AATK: variants seen among roughly 807,000 people sequenced by gnomAD.
AATK encodes the protein lemur tail kinase 1.
A neutral mutation model predicts 114.3 loss-of-function variants in AATK; 91 were observed. That is an observed-to-expected ratio of 0.80 (90% CI 0.67 to 0.95). The LOEUF (loss-of-function observed/expected upper bound fraction) is 0.95. Ranked by LOEUF, AATK falls within the 40% of genes least tolerant of loss-of-function variation. The pLI is 0.00. For missense variants in AATK, 2,176 were observed against 1,965.2 expected (o/e 1.11, Z -2.03); for synonymous variants, 1,075 against 916.5 (o/e 1.17, Z -3.12).
chr17:81,151,268 C>A (rs879449662), intron 1 of AATK, among the ~76,000 whole-genome samples: 37 of 59,950 alleles, frequency 6.2e-4, no homozygotes, highest in Admixed American at 1.7e-3. Context: ...TGCACAGAAC[C>A]CAGGCCCAGC....
intron 1 of AATK, among the ~76,000 whole-genome samples, chr17:81,148,532 C>T (rs902697331): frequency 1.3e-5 from 2 of 152,232 alleles, no homozygotes; most frequent in South Asian, 2.1e-4. Flanking sequence ...CTAGAACGAC[C>T]GGCTGGACTT....
rs933824760 is a variant in AATK at position 81,143,580 on chromosome 17, C to T, written c.56-9079G>A. Among the ~76,000 whole-genome samples, 19 of 151,662 alleles carry T rather than the reference C, an allele frequency of 1.3e-4. No homozygotes were observed. In the East Asian group the frequency reaches 2.1e-3, roughly 17 times the overall value. ...CCCAATTCCCCCAGCCATGCAGCCC[C>T]GCCTCCCGTGGCCACACCTGGTCCT... On this transcript the variant is annotated intron_variant, in intron 1 of 13. Transcript: ENST00000326724.
intron 7 of AATK, chr17:81,125,465 T>G: frequency 2.6e-6 from 1 of 383,980 alleles, no homozygotes; most frequent in South Asian, 2.0e-5. Context: ...GAGTCCAGTT[T>G]TAGGGTCCAG....
chr17:81,162,387 A>C (rs1280860345), intron 1 of AATK, among the ~76,000 whole-genome samples: 3 of 152,100 alleles, frequency 2.0e-5, no homozygotes, highest in Admixed American at 1.3e-4. Context: ...AACTCCTCCC[A>C]GGGCAGGTGC....
At chr17:81,157,952 C>T (rs2061386700) in intron 1 of AATK, among the ~76,000 whole-genome samples, 1 of 152,238 alleles carries the variant, frequency 6.6e-6, no homozygotes. Flanking sequence ...CTGACACAGC[C>T]GGGCATCCAG....
chr17:81,143,963 C>G (rs939626815), intron 1 of AATK, among the ~76,000 whole-genome samples: 1 of 152,362 alleles, frequency 6.6e-6, no homozygotes, highest in African/African-American at 2.4e-5. Context: ...AGGGTGAGCA[C>G]GGTGCCCAGG....
At chr17:81,142,778 C>T (rs1039739094) in intron 1 of AATK, among the ~76,000 whole-genome samples, 1 of 152,108 alleles carries the variant, frequency 6.6e-6, no homozygotes, top group Non-Finnish European at 1.5e-5. Context: ...CAGCCCCACC[C>T]CCGCCCCAGC....
intron 1 of AATK, among the ~76,000 whole-genome samples, chr17:81,160,787 A>G (rs1257733274): frequency 6.6e-6 from 1 of 152,156 alleles, no homozygotes; most frequent in Non-Finnish European, 1.5e-5. Context: ...CCCTCGAGAA[A>G]AGCCTACCCC....
At chr17:81,131,940 C>T in intron 2 of AATK, 1 of 1,343,882 alleles carries the variant, frequency 7.4e-7, no homozygotes, top group Non-Finnish European at 9.9e-7. Flanking sequence ...TGGACCTTCA[C>T]CTGGTGGCCA....
chr17:81,123,845 C>T (rs2060740118), intron 9 of AATK, among the ~76,000 whole-genome samples: 1 of 152,146 alleles, frequency 6.6e-6, no homozygotes. Flanking sequence ...TAACTGGGGT[C>T]TCCTTCCCCG....
chr17:81,124,639 A>T (rs969758003), intron 9 of AATK, 88 bp downstream of exon 9: 1 of 1,562,712 alleles, frequency 6.4e-7, no homozygotes, highest in Non-Finnish European at 8.7e-7. Flanking sequence ...CAGCCCCCTG[A>T]CCTCACTACT....
At chr17:81,158,971 G>C (rs930598882) in intron 1 of AATK, among the ~76,000 whole-genome samples, 1 of 152,208 alleles carries the variant, frequency 6.6e-6, no homozygotes, top group East Asian at 1.9e-4. Context: ...AGGGCCCAAA[G>C]AGGACAAGGC....
intron 3 of AATK, chr17:81,128,843 G>A (rs1026574066): frequency 3.1e-5 from 38 of 1,210,590 alleles, no homozygotes; most frequent in East Asian, 1.9e-4. Context: ...AGCAGGGCCC[G>A]GAGCTCGACC....
chr17:81,163,188 T>C (rs2061445429), intron 1 of AATK, among the ~76,000 whole-genome samples: 1 of 152,130 alleles, frequency 6.6e-6, no homozygotes, highest in Admixed American at 6.5e-5. Flanking sequence ...GGTGTCCCCA[T>C]GCCCACTTCC....
At chr17:81,152,132 G>A (rs1188741910) in intron 1 of AATK, among the ~76,000 whole-genome samples, 1 of 152,114 alleles carries the variant, frequency 6.6e-6, no homozygotes, top group Admixed American at 6.6e-5. Context: ...AAAAATATTA[G>A]CAGGGCGTGG....
At position 81,123,281 on chromosome 17, in the gene AATK, G is replaced by A. The variant is rs779288687; in HGVS notation, c.1025C>T (p.Ser342Leu). 7.1e-7 allele frequency: 1 copy of A among 1,403,928 alleles called. No individual in the cohort carries two copies. 87.0% of individuals were successfully genotyped at this position (1,403,928 alleles called of 1,614,324 possible). A position where few individuals can be genotyped will look rare whatever the true frequency, so the allele number is the denominator to read the frequency against. Residue 342 changes from serine to leucine, a missense_variant, in exon 10 of 14, where the codon TCG (serine) becomes TTG (leucine). By Grantham distance (145) the Ser-to-Leu change is moderately radical. Around this residue, in one of 4 missense-constraint regions of AATK, gnomAD observed 273 missense variants for 344.1 expected, o/e 0.79. Coordinates refer to ENST00000326724, the MANE Select transcript of AATK (RefSeq NM_001080395.3). ...ELGTQPYPQH[S>L]DQQVLAYTVR... ...CGTGTACGCCAGCACCTGCTGGTCC[G>A]AGTGCTGGGGATAGGGCTGCGTGCC...
intron 1 of AATK, among the ~76,000 whole-genome samples, chr17:81,164,974 G>A (rs1334693971): frequency 6.6e-6 from 1 of 152,254 alleles, no homozygotes; most frequent in Non-Finnish European, 1.5e-5. Context: ...CAGGCTGCGT[G>A]CACTGGGCCC....
chr17:81,119,467 G>C lies in AATK; in HGVS notation c.3997C>G (p.Pro1333Ala), dbSNP rs546325681. The change falls in exon 13 of 14, where the codon CCC becomes GCC. Residue 1333 changes from proline to alanine, a missense_variant. Pro to Ala is a conservative substitution (Grantham distance 27). Coordinates refer to ENST00000326724, the MANE Select transcript of AATK (RefSeq NM_001080395.3). ...APAAPTPTPA[P>A]FSRFTVSPAP... Reference sequence around the variant, plus strand: ...GGCGACACCGTGAAGCGCGAGAAGGGAGCGGGCGTGGGCGTGGGCGCAGCC... The same window carrying C: ...GGCGACACCGTGAAGCGCGAGAAGGCAGCGGGCGTGGGCGTGGGCGCAGCC... The C allele has an allele frequency of 1.3e-6, 2 of 1,514,312 alleles. No homozygotes were observed. The highest frequency in any genetic ancestry group is 1.8e-6 in the Non-Finnish European group (2 of 1,135,282). The allele number at this position is 1,514,312 out of a possible 1,614,324, so 93.8% of individuals were successfully genotyped here. A position where few individuals can be genotyped will look rare whatever the true frequency, so the allele number is the denominator to read the frequency against.
intron 1 of AATK, among the ~76,000 whole-genome samples, chr17:81,145,642 A>C (rs1386116691): frequency 1.3e-5 from 2 of 148,748 alleles, no homozygotes; most frequent in African/African-American, 4.9e-5. Context: ...CTGAGACAGG[A>C]GAATTGCTTG....
Sources: allele counts gnomAD v4.1 joint callset (sites outside exome capture counted in the v4.1 genomes callset), GRCh38; gene constraint gnomAD v4.1.1; regional missense constraint gnomAD v4.1.1; transcripts MANE v1.5; gene names NCBI Gene and HGNC (gene_info 2026-07-23, HGNC 2026-07-21).